AK7: variants seen among roughly 807,000 people sequenced by gnomAD.
AK7 encodes the protein adenylate kinase 7.
A neutral mutation model predicts 96.6 loss-of-function variants in AK7; 78 were observed. The observed-to-expected ratio is 0.81, with a 90% CI of 0.67 to 0.97. AK7 has a LOEUF of 0.97. Ranked by LOEUF, AK7 falls within the 50% of genes least tolerant of loss-of-function variation. The pLI, the probability that AK7 is intolerant of heterozygous loss-of-function variation, is 0.00. For missense variants in AK7, 855 were observed against 887.9 expected (o/e 0.96, Z 0.47); for synonymous variants, 302 against 317.2 (o/e 0.95, Z 0.51).
chr14:96,436,139 GA>G (rs1383896624), intron 5 of AK7, among the ~76,000 whole-genome samples: 2 of 152,182 alleles, frequency 1.3e-5, no homozygotes, highest in African/African-American at 4.8e-5. Flanking sequence ...AACTGTCTTG[GA>G]CTGTGGGAAG....
At chr14:96,410,464 T>A (rs1462124776) in intron 4 of AK7, among the ~76,000 whole-genome samples, 1 of 152,216 alleles carries the variant, frequency 6.6e-6, no homozygotes, top group Non-Finnish European at 1.5e-5. Flanking sequence ...ATGTCCTCAG[T>A]GCTCACTGAC....
chr14:96,472,442 A>G (rs1004735990), intron 13 of AK7, among the ~76,000 whole-genome samples: 2 of 152,240 alleles, frequency 1.3e-5, no homozygotes, highest in Non-Finnish European at 2.9e-5. Context: ...GGTGTGAGCC[A>G]TGATGCCCAG....
At chr14:96,433,609 G>T (rs955701219) in intron 5 of AK7, among the ~76,000 whole-genome samples, 1 of 152,130 alleles carries the variant, frequency 6.6e-6, no homozygotes, top group Admixed American at 6.6e-5. Context: ...CTTGCGATGT[G>T]TTCGAACATC....
intron 12 of AK7, among the ~76,000 whole-genome samples, chr14:96,458,912 C>CA (rs780061684): frequency 0.029 from 679 of 23,500 alleles, 31 homozygotes; most frequent in African/African-American, 0.033. Context: ...CCTGTCTCAA[C>CA]AAAAAAAAAA....
Position 96,434,809 on chromosome 14 carries a change from C to T in AK7, c.610-3026C>T, listed in dbSNP as rs199876781. Among the ~76,000 whole-genome samples the T allele has an allele frequency of 1.4e-4, 21 of 152,292 alleles. No homozygotes were observed. The East Asian group carries it at 2.3e-3, about 17-fold the overall frequency. On this transcript the variant is annotated intron_variant, in intron 5 of 17. Transcript: ENST00000267584. ...CTGAGCTAGCACTCACACCACAAGA[C>T]GTAGTCCTTCCCAGTCTTCCCTCTT...
chr14:96,394,932 C>T (rs1391267343), intron 1 of AK7, among the ~76,000 whole-genome samples: 1 of 152,210 alleles, frequency 6.6e-6, no homozygotes, highest in East Asian at 1.9e-4. Flanking sequence ...GCCGAGATCA[C>T]ACCACTGCAC....
Position 96,442,771 on chromosome 14 carries a change from C to A in AK7, c.732C>A (p.Gly244=), listed in dbSNP as rs373955939. The change falls in exon 7 of 18, where the codon GGC becomes GGA. Residue 244 remains glycine, a synonymous_variant. Transcript: ENST00000267584. ...AGATTCCTGCATTACCAGTTTTTGG[C>A]GATGGAACAAATGTAATTCCAACAA... ...LGEIPALPVF[G]DGTNVIPTIH... 22 of 1,614,040 alleles carry A rather than the reference C, an allele frequency of 1.4e-5. No individual in the cohort carries two copies. The highest frequency in any genetic ancestry group is 1.9e-5 in the Non-Finnish European group (22 of 1,180,024).
intron 12 of AK7, among the ~76,000 whole-genome samples, chr14:96,469,536 A>G (rs77586087): frequency 0.02 from 3,110 of 152,254 alleles, 112 homozygotes; most frequent in African/African-American, 0.07. Flanking sequence ...AAAACAAAAA[A>G]GAAAATAGAC....
rs755644130 is a variant in AK7, at chr14:96,478,636, A to G, written c.1727A>G (p.Glu576Gly). Residue 576 changes from glutamate (E) to glycine (G), a missense_variant, in exon 15 of 18, where the codon GAA (glutamate) becomes GGA (glycine). By Grantham distance (98) the Glu-to-Gly change is moderately conservative. Coordinates refer to ENST00000267584, the MANE Select transcript of AK7 (RefSeq NM_152327.5). ...DDETVFNYFD[E>G]LEIHPIHIDV... is the part of the protein sequence containing the mutation. ...GAGACTGTCTTCAACTATTTTGATG[A>G]ACTTGAAATTCACCCGATACATATT... 1.2e-6 allele frequency: 2 copies of G among 1,614,038 alleles called. No individual in the cohort carries two copies. Among genetic ancestry groups the G allele is most frequent in the Admixed American group, 3.3e-5 (2 of 60,006 alleles).
chr14:96,458,760 A>AAC (rs1894083101), intron 12 of AK7, among the ~76,000 whole-genome samples: 2 of 150,562 alleles, frequency 1.3e-5, no homozygotes, highest in African/African-American at 4.9e-5. Context: ...AAAAAAAAAA[A>AAC]ATTAGCTGAG....
chr14:96,424,170 TC>T (rs1891882746), intron 5 of AK7: 1 of 606,282 alleles, frequency 1.6e-6, no homozygotes, highest in Non-Finnish European at 3.1e-6. Flanking sequence ...TTCGTCCACT[TC>T]CTGAAGGCTC....
chr14:96,485,110 A>G (rs1483333120), intron 16 of AK7, among the ~76,000 whole-genome samples: 1 of 152,186 alleles, frequency 6.6e-6, no homozygotes, highest in Non-Finnish European at 1.5e-5. Context: ...ATCATCTAAC[A>G]GGTGGCTATT....
intron 12 of AK7, among the ~76,000 whole-genome samples, chr14:96,469,651 A>G (rs1894776138): frequency 6.6e-6 from 1 of 152,206 alleles, no homozygotes; most frequent in Non-Finnish European, 1.5e-5. Flanking sequence ...AGTAATGTAG[A>G]ATCATTCAGA....
intron 5 of AK7, chr14:96,423,971 C>G: frequency 1.0e-6 from 1 of 956,366 alleles, no homozygotes. Flanking sequence ...TGATGCCATT[C>G]CCTGTATTGG....
intron 15 of AK7, 55 bp downstream of exon 15, chr14:96,478,717 G>A (rs954688507): frequency 6.4e-7 from 1 of 1,566,118 alleles, no homozygotes; most frequent in African/African-American, 1.4e-5. Flanking sequence ...GCAAAGCTTG[G>A]TGCAGGTCTA....
chr14:96,404,171 A>AAAAAAAAC (rs1566760187), intron 2 of AK7, among the ~76,000 whole-genome samples: 1 of 147,334 alleles, frequency 6.8e-6, no homozygotes. Flanking sequence ...AAAAAAAAAA[A>AAAAAAAAC]AACACCAAAA....
intron 10 of AK7, among the ~76,000 whole-genome samples, chr14:96,454,231 C>T (rs1893763675): frequency 6.6e-6 from 1 of 152,184 alleles, no homozygotes; most frequent in African/African-American, 2.4e-5. Flanking sequence ...AGACACTCTA[C>T]CAATGCAAAT....
At chr14:96,427,403 G>A (rs554275101) in intron 5 of AK7, among the ~76,000 whole-genome samples, 162 of 152,308 alleles carry the variant, frequency 1.1e-3, no homozygotes, top group Non-Finnish European at 1.7e-3. Flanking sequence ...GAGGAAGAGA[G>A]AGTGAAGGGG....
intron 5 of AK7, among the ~76,000 whole-genome samples, chr14:96,429,586 G>C (rs1892228491): frequency 6.6e-6 from 1 of 152,078 alleles, no homozygotes; most frequent in South Asian, 2.1e-4. Context: ...GATTCTTCCT[G>C]TCCATGAGCA....
Sources: allele counts gnomAD v4.1 joint callset (sites outside exome capture counted in the v4.1 genomes callset), GRCh38; gene constraint gnomAD v4.1.1; transcripts MANE v1.5; gene names NCBI Gene and HGNC (gene_info 2026-07-23, HGNC 2026-07-21).